The following WDR93 variants were observed in gnomAD, a reference collection of about 807,000 sequenced individuals.
WDR93 encodes WD repeat-containing protein 93.
A neutral mutation model predicts 82.9 loss-of-function variants in WDR93; 73 were observed. That is an observed-to-expected ratio of 0.88 (90% CI 0.73 to 1.07). The LOEUF is 1.07. WDR93 is among the 50% of genes least tolerant of loss of function. WDR93 has a pLI of 0.00. For missense variants in WDR93, 738 were observed against 826.0 expected, an observed-to-expected ratio of 0.89 and a Z score of 1.31; for synonymous variants, 283 against 300.1, an observed-to-expected ratio of 0.94 and a Z score of 0.59.
chr15:89,732,781 T>TC (rs1028153316), intron 12 of WDR93, among the ~76,000 whole-genome samples: 20 of 152,030 alleles, frequency 1.3e-4, no homozygotes, highest in African/African-American at 4.8e-4. Context: ...CTCTTGCTTC[T>TC]CCCCCTCCCC....
chr15:89,737,531 G>C (rs1422872035), intron 14 of WDR93, 42 bp from the exon 15 acceptor site: 1 of 1,612,742 alleles, frequency 6.2e-7, no homozygotes, highest in Non-Finnish European at 8.5e-7. Flanking sequence ...GTGAGGGACA[G>C]AGTCCAGTAG....
intron 1 of WDR93, among the ~76,000 whole-genome samples, chr15:89,700,820 G>A (rs367987358): frequency 6.6e-5 from 10 of 152,088 alleles, no homozygotes; most frequent in African/African-American, 2.4e-4. Context: ...GCCTCCTGAA[G>A]TGCTGGGATT....
intron 8 of WDR93, among the ~76,000 whole-genome samples, chr15:89,724,308 C>T (rs1475849469): frequency 6.6e-6 from 1 of 152,090 alleles, no homozygotes; most frequent in Non-Finnish European, 1.5e-5. Flanking sequence ...CACCATTGCA[C>T]TCCTGCCTGG....
chr15:89,727,118 T>C, intron 8 of WDR93, 39 bp from the exon 9 acceptor site: 1 of 1,583,132 alleles, frequency 6.3e-7, no homozygotes, highest in Non-Finnish European at 8.6e-7. Flanking sequence ...AAAGGGGGAG[T>C]CACATGGCTT....
chr15:89,692,702 C>T (rs1328974639), intron 1 of WDR93, among the ~76,000 whole-genome samples: 2 of 152,142 alleles, frequency 1.3e-5, no homozygotes, highest in African/African-American at 2.4e-5. Context: ...CTTCGTCTCC[C>T]GGGTTCAAGC....
intron 7 of WDR93, among the ~76,000 whole-genome samples, chr15:89,718,233 TG>T (rs1966348170): frequency 6.6e-6 from 1 of 152,108 alleles, no homozygotes; most frequent in South Asian, 2.1e-4. Flanking sequence ...CCCAACACTT[TG>T]GGAGGCCGAG....
intron 16 of WDR93, among the ~76,000 whole-genome samples, chr15:89,741,942 G>A (rs1485103840): frequency 6.6e-6 from 1 of 152,112 alleles, no homozygotes; most frequent in African/African-American, 2.4e-5. Flanking sequence ...TAGTAGAGAC[G>A]GGGTTTCACC....
intron 4 of WDR93, 47 bp from the exon 5 acceptor site, chr15:89,711,979 C>A: frequency 6.7e-7 from 1 of 1,486,282 alleles, no homozygotes; most frequent in Non-Finnish European, 9.3e-7. Flanking sequence ...AATACATTCT[C>A]TGTCAGCAGG....
intron 7 of WDR93, among the ~76,000 whole-genome samples, chr15:89,719,033 A>G (rs1246668298): frequency 3.3e-5 from 5 of 152,160 alleles, no homozygotes; most frequent in African/African-American, 1.2e-4. Context: ...TACTGTATAT[A>G]TTTTCTTATA....
At chr15:89,742,822 C>T (rs545562910) in intron 16 of WDR93, among the ~76,000 whole-genome samples, 5 of 152,308 alleles carry the variant, frequency 3.3e-5, no homozygotes, top group African/African-American at 9.6e-5. Flanking sequence ...CGTGAGCCAC[C>T]GCGCCTGGCC....
At chr15:89,736,692 G>A (rs1031602804) in intron 14 of WDR93, among the ~76,000 whole-genome samples, 2 of 152,122 alleles carry the variant, frequency 1.3e-5, no homozygotes, top group Non-Finnish European at 2.9e-5. Flanking sequence ...CTGGGAGACA[G>A]ACGCAGGAGG....
chr15:89,706,934 A>T (rs1596077793), intron 4 of WDR93, among the ~76,000 whole-genome samples: 1 of 152,306 alleles, frequency 6.6e-6, no homozygotes, highest in East Asian at 1.9e-4. Flanking sequence ...CATAAAAGAA[A>T]AGATAAACTG....
At chr15:89,716,829 G>A in intron 6 of WDR93, 82 bp from the exon 7 acceptor site, 2 of 980,762 alleles carry the variant, frequency 2.0e-6, no homozygotes, top group Non-Finnish European at 1.6e-6. Flanking sequence ...TTGAGGGGAA[G>A]AGAGAGCATG....
intron 10 of WDR93, among the ~76,000 whole-genome samples, chr15:89,729,435 G>A (rs567629119): frequency 8.3e-4 from 127 of 152,272 alleles, no homozygotes; most frequent in Middle Eastern, 3.4e-3. Flanking sequence ...GAAAGCAGCC[G>A]AGGGGGAGTT....
At chr15:89,691,659 G>A (rs1964890985) in intron 1 of WDR93, among the ~76,000 whole-genome samples, 1 of 152,206 alleles carries the variant, frequency 6.6e-6, no homozygotes, top group Non-Finnish European at 1.5e-5. Flanking sequence ...GGCGGAGGTG[G>A]CAGTGAGCCG....
chr15:89,704,221 G>A (rs1420941743), intron 3 of WDR93: 7 of 151,766 alleles, frequency 4.6e-5, no homozygotes, highest in Non-Finnish European at 2.9e-5. Context: ...CCAGGTGCTC[G>A]GGAGGCTGAG....
chr15:89,725,860 C>T (rs759388231), intron 8 of WDR93, among the ~76,000 whole-genome samples: 4 of 152,158 alleles, frequency 2.6e-5, no homozygotes, highest in African/African-American at 9.7e-5. Context: ...CCGCACCCAG[C>T]CGATGTTCTA....
At chr15:89,713,338 A>G (rs1159286829) in intron 5 of WDR93, among the ~76,000 whole-genome samples, 1 of 152,190 alleles carries the variant, frequency 6.6e-6, no homozygotes, top group Non-Finnish European at 1.5e-5. Context: ...CTGGGACAAT[A>G]GAACATATTT....
intron 1 of WDR93, among the ~76,000 whole-genome samples, chr15:89,698,741 A>C (rs1965309090): frequency 6.6e-6 from 1 of 152,040 alleles, no homozygotes. Flanking sequence ...TTAATCCTAC[A>C]CTACATTTTT....
Sources: allele counts gnomAD v4.1 joint callset (sites outside exome capture counted in the v4.1 genomes callset), GRCh38; gene constraint gnomAD v4.1.1; transcripts MANE v1.5; gene names NCBI Gene and HGNC (gene_info 2026-07-23, HGNC 2026-07-21).